Variants in ZPBP observed in about 807,000 individuals in gnomAD.
ZPBP encodes zona pellucida binding protein, also known as zona pellucida-binding protein 1.
In ZPBP, 26 loss-of-function variants were observed where a neutral mutation model predicts 44.8. That is an observed-to-expected ratio of 0.58 (90% confidence interval 0.43 to 0.81). ZPBP has a LOEUF of 0.81. Among genes scored for constraint, ZPBP ranks in the 30% least tolerant of loss-of-function variants. The probability of loss-of-function intolerance (pLI) is 0.00; values close to 1 mark genes in which losing one functional copy is unlikely to be tolerated. For missense variants in ZPBP, 409 were observed against 434.0 expected (o/e 0.94, Z 0.51); for synonymous variants, 174 against 153.2 (o/e 1.14, Z -1.00).
chr7:49,988,219 T>C lies in ZPBP; in HGVS notation c.784-4700A>G, dbSNP rs531429820. 3.3e-5 allele frequency among the ~76,000 whole-genome samples: 5 copies of C among 152,334 alleles called. No individual in the cohort carries two copies. The East Asian group carries it at 9.6e-4, about 29-fold the overall frequency. On this transcript the variant is annotated intron_variant, in intron 6 of 7. Transcript: ENST00000046087. ...TTAAAAAAATTCTAAGTCATCATTT[T>C]AGAAAAATAAATAATATGGAAATTT... is the stretch of plus-strand genomic sequence containing the variant.
At chr7:50,017,269 G>A (rs752125255) in intron 6 of ZPBP, among the ~76,000 whole-genome samples, 12 of 152,118 alleles carry the variant, frequency 7.9e-5, no homozygotes, top group Non-Finnish European at 7.4e-5. Flanking sequence ...ACACAATCTA[G>A]ATCCCTCACA....
Position 50,093,225 on chromosome 7 carries a change from G to A in ZPBP, c.-31C>T. The A allele has an allele frequency of 6.7e-7, 1 of 1,500,128 alleles. No homozygotes were observed. The highest frequency in any genetic ancestry group is 8.9e-7 in the Non-Finnish European group (1 of 1,128,622). 92.9% of individuals were successfully genotyped at this position (1,500,128 alleles called of 1,614,324 possible). On this transcript the variant is annotated 5_prime_UTR_variant, in exon 1 of 8. Transcript: ENST00000046087. The stretch of plus-strand genomic sequence containing the variant: ...CGCCGCCGTCGCCTGCCCACCGTCC[G>A]CGCGGAAGGTCGTTAGGCAACGCGC...
At chr7:49,871,338 A>G (rs1264660521) in intron 2 of ZPBP, among the ~76,000 whole-genome samples, 1 of 152,188 alleles carries the variant, frequency 6.6e-6, no homozygotes, top group East Asian at 1.9e-4. Context: ...ACCCCTGCGC[A>G]TTAAGGTATA....
At chr7:49,923,751 T>C (rs1170859247) in intron 1 of ZPBP, among the ~76,000 whole-genome samples, 1 of 152,234 alleles carries the variant, frequency 6.6e-6, no homozygotes, top group East Asian at 1.9e-4. Flanking sequence ...TAATATTTCT[T>C]TCGGTGAATT....
intron 7 of ZPBP, among the ~76,000 whole-genome samples, chr7:49,938,929 T>C (rs1461537036): frequency 1.3e-5 from 2 of 152,210 alleles, no homozygotes; most frequent in Non-Finnish European, 1.5e-5. Context: ...TATTTTACCA[T>C]TTTTTAGAGG....
intron 2 of ZPBP, among the ~76,000 whole-genome samples, chr7:49,853,753 T>C (rs1790294562): frequency 6.6e-6 from 1 of 152,168 alleles, no homozygotes; most frequent in South Asian, 2.1e-4. Flanking sequence ...CTAGGGTACA[T>C]GTGCACAACG....
chr7:49,928,511 T>C (rs1050822543), intron 1 of ZPBP, among the ~76,000 whole-genome samples: 1 of 152,206 alleles, frequency 6.6e-6, no homozygotes, highest in South Asian at 2.1e-4. Context: ...GGACCACCCC[T>C]GTGGGTAGGG....
intron 4 of ZPBP, among the ~76,000 whole-genome samples, chr7:50,057,220 C>A (rs139078994): frequency 2.0e-5 from 3 of 150,620 alleles, no homozygotes; most frequent in African/African-American, 4.9e-5. Context: ...CCTTAATAAG[C>A]ACATCCCTTT....
chr7:50,059,543 A>G (rs1801141348), intron 3 of ZPBP, among the ~76,000 whole-genome samples: 1 of 152,214 alleles, frequency 6.6e-6, no homozygotes, highest in South Asian at 2.1e-4. Flanking sequence ...CAAGTCTTTT[A>G]TAAACGAAGT....
chr7:49,877,323 G>A (rs1002477644), intron 2 of ZPBP, among the ~76,000 whole-genome samples: 29 of 150,240 alleles, frequency 1.9e-4, no homozygotes, highest in Middle Eastern at 3.4e-3. Context: ...TTAGCTGGGC[G>A]TGGTGGCAGA....
chr7:49,969,816 TATAGAGAG>T (rs1461567732), intron 7 of ZPBP, among the ~76,000 whole-genome samples: 3 of 136,124 alleles, frequency 2.2e-5, no homozygotes, highest in Non-Finnish European at 3.1e-5. Context: ...TATATATATA[TATAGAGAG>T]AGAGAGAGAG....
At chr7:49,989,840 C>T (rs1295734014) in intron 6 of ZPBP, among the ~76,000 whole-genome samples, 1 of 152,162 alleles carries the variant, frequency 6.6e-6, no homozygotes, top group Non-Finnish European at 1.5e-5. Flanking sequence ...GCCCATTACT[C>T]AGAGTTTTCC....
intron 6 of ZPBP, among the ~76,000 whole-genome samples, chr7:50,000,103 T>C (rs1217217221): frequency 1.3e-5 from 2 of 152,158 alleles, no homozygotes; most frequent in Non-Finnish European, 1.5e-5. Flanking sequence ...AAGGTATGTA[T>C]AGATATTATA....
chr7:49,978,095 G>A (rs200378977), intron 7 of ZPBP, among the ~76,000 whole-genome samples: 2 of 131,670 alleles, frequency 1.5e-5, no homozygotes, highest in African/African-American at 5.8e-5. Flanking sequence ...TTTTTTTTTT[G>A]AAAAACTAGC....
intron 7 of ZPBP, among the ~76,000 whole-genome samples, chr7:49,938,857 T>C (rs1583875550): frequency 6.6e-6 from 1 of 152,226 alleles, no homozygotes; most frequent in South Asian, 2.1e-4. Context: ...TGGATCTAGT[T>C]CACACTATAT....
At chr7:50,071,871 C>A (rs1801857240) in intron 3 of ZPBP, among the ~76,000 whole-genome samples, 1 of 152,164 alleles carries the variant, frequency 6.6e-6, no homozygotes, top group Admixed American at 6.5e-5. Flanking sequence ...AGCAGCGATA[C>A]CCAGGTACAA....
intron 6 of ZPBP, among the ~76,000 whole-genome samples, chr7:49,989,670 A>G (rs1261467671): frequency 6.6e-6 from 1 of 152,164 alleles, no homozygotes; most frequent in African/African-American, 2.4e-5. Flanking sequence ...TTTTGCCTAC[A>G]TTTTAGAGTA....
intron 7 of ZPBP, among the ~76,000 whole-genome samples, chr7:49,977,811 T>C (rs1430190457): frequency 6.6e-6 from 1 of 152,200 alleles, no homozygotes; most frequent in Admixed American, 6.5e-5. Context: ...TCAAAACTAA[T>C]ATTCTGACAT....
At chr7:49,974,329 C>T in intron 7 of ZPBP, among the ~76,000 whole-genome samples, 1 of 151,990 alleles carries the variant, frequency 6.6e-6, no homozygotes, top group African/African-American at 2.4e-5. Flanking sequence ...AAAAGTAGAG[C>T]TTCTGGGAGA....
Sources: gnomAD v4.1 joint callset for allele counts (sites outside exome capture counted in the v4.1 genomes callset) on GRCh38, gnomAD v4.1.1 for gene constraint, MANE v1.5 for transcripts, NCBI Gene and HGNC (gene_info 2026-07-23, HGNC 2026-07-21) for gene names.